Variants in GSTZ1 observed in about 807,000 individuals in gnomAD.
GSTZ1 encodes the protein glutathione S-transferase zeta 1, also known as maleylacetoacetate isomerase.
Under a neutral mutation model 35.9 loss-of-function variants are expected in GSTZ1, and 34 were observed. That is an observed-to-expected ratio of 0.95 (90% CI 0.72 to 1.26). GSTZ1 has a LOEUF of 1.26. Ranked by LOEUF, GSTZ1 falls within the 50% of genes most tolerant of loss-of-function variation. The probability of loss-of-function intolerance (pLI) is 0.00; values close to 1 mark genes in which losing one functional copy is unlikely to be tolerated. For missense variants in GSTZ1, 263 were observed against 271.7 expected (o/e 0.97, Z 0.23); for synonymous variants, 93 against 101.2 (o/e 0.92, Z 0.49).
In GSTZ1 at chr14:77,327,989, C is replaced by T. The variant is rs199875956; in HGVS notation, c.294C>T (p.Ser98=). Reference sequence around the variant, plus strand: ...CTCAGGACCCAAAGAAGAGGGCCAGCGTGCGTATGATTTCTGACCTCATCG... The same window carrying T: ...CTCAGGACCCAAAGAAGAGGGCCAGTGTGCGTATGATTTCTGACCTCATCG... ...LLPQDPKKRA[S]VRMISDLIAG... Residue 98 remains serine, a synonymous_variant, in exon 5 of 9, where the codon AGC becomes AGT. Coordinates refer to ENST00000216465, the MANE Select transcript of GSTZ1 (RefSeq NM_145870.3). 1.9e-5 allele frequency: 31 copies of T among 1,613,864 alleles called. No individual in the cohort carries two copies. The highest frequency in any genetic ancestry group is 1.2e-4 in the African/African-American group (9 of 74,918).
chr14:77,324,704 C>T, intron 1 of GSTZ1, 166 bp from the exon 2 acceptor site: 1 of 1,198,340 alleles, frequency 8.3e-7, no homozygotes, highest in East Asian at 2.5e-5. Context: ...ATTTTGGAGC[C>T]AAGGGACCTC....
chr14:77,326,737 C>G (rs902908085), intron 2 of GSTZ1, 101 bp from the exon 3 acceptor site: 3 of 787,974 alleles, frequency 3.8e-6, no homozygotes, highest in African/African-American at 1.7e-5. Context: ...GTTAGAGAAG[C>G]CTCCCCCTCT....
chr14:77,322,684 C>CCAT, intron 1 of GSTZ1: 1 of 985,430 alleles, frequency 1.0e-6, no homozygotes, highest in South Asian at 4.7e-5. Flanking sequence ...CACTTTCTGC[C>CCAT]CATCACCTGC....
intron 7 of GSTZ1, chr14:77,330,048 C>T: frequency 3.0e-6 from 2 of 656,456 alleles, no homozygotes; most frequent in South Asian, 3.4e-5. Context: ...GATGTCTGCG[C>T]AGTCAAGGCA....
chr14:77,321,551 G>T, intron 1 of GSTZ1: 6 of 1,262,202 alleles, frequency 4.8e-6, no homozygotes, highest in Non-Finnish European at 6.1e-6. Flanking sequence ...TCTTCTCTTG[G>T]CCCTAGCAGG....
chr14:77,324,073 G>C (rs4147578), intron 1 of GSTZ1: 1 of 160,438 alleles, frequency 6.2e-6, no homozygotes, highest in Admixed American at 5.8e-5. Context: ...ATCAAAACCA[G>C]GCCACGCTCT....
intron 1 of GSTZ1, chr14:77,324,598 C>T (rs1161029876): frequency 1.3e-6 from 2 of 1,534,188 alleles, no homozygotes; most frequent in African/African-American, 1.4e-5. Context: ...AGGGTCACCA[C>T]GATACCATGA....
intron 8 of GSTZ1, among the ~76,000 whole-genome samples, chr14:77,330,782 C>T (rs536549050): frequency 6.6e-6 from 1 of 152,284 alleles, no homozygotes; most frequent in South Asian, 2.1e-4. Context: ...CATTCCCTGC[C>T]CCCAAGAAGC....
At chr14:77,327,127 G>T in intron 3 of GSTZ1, 1 of 595,030 alleles carries the variant, frequency 1.7e-6, no homozygotes, top group Non-Finnish European at 3.0e-6. Context: ...CCTAGCCTGG[G>T]CTCTCCAGTG....
intron 1 of GSTZ1, 152 bp downstream of exon 1, chr14:77,321,335 T>C: frequency 1.3e-6 from 2 of 1,533,484 alleles, no homozygotes; most frequent in Non-Finnish European, 1.8e-6. Flanking sequence ...GCCTGCGTGC[T>C]GCGCGCTGCC....
intron 1 of GSTZ1, 156 bp from the exon 2 acceptor site, chr14:77,324,714 C>T: frequency 1.7e-6 from 2 of 1,164,392 alleles, no homozygotes; most frequent in Non-Finnish European, 1.2e-6. Context: ...CAAGGGACCT[C>T]ATGAGCCTCT....
At chr14:77,324,516 T>A in intron 1 of GSTZ1, 2 of 1,253,232 alleles carry the variant, frequency 1.6e-6, no homozygotes, top group Non-Finnish European at 2.3e-6. Context: ...CATTGGCTCC[T>A]GAAATCCACC....
chr14:77,327,253 C>T, intron 3 of GSTZ1: 1 of 603,510 alleles, frequency 1.7e-6, no homozygotes, highest in South Asian at 2.0e-5. Context: ...AGGGAAAGCC[C>T]ATAGCCAGGC....
chr14:77,322,823 G>A (rs1272762002), intron 1 of GSTZ1: 4 of 451,924 alleles, frequency 8.9e-6, no homozygotes, highest in Admixed American at 6.4e-5. Context: ...CTAGCAGACT[G>A]AGTTGGTAGT....
chr14:77,324,152 CTTTTTTTTTTT>C (rs11287763), intron 1 of GSTZ1: 1 of 117,824 alleles, frequency 8.5e-6, no homozygotes, highest in African/African-American at 3.5e-5. Flanking sequence ...AAAAAAATGC[CTTTTTTTTTTT>C]TTTTTTTTTG....
At position 77,321,070 on chromosome 14, in the gene GSTZ1, C is replaced by G. The variant is rs1273065305; in HGVS notation, c.-99C>G. The G allele has an allele frequency of 3.2e-6, 4 of 1,253,248 alleles. No individual in the cohort carries two copies. Among genetic ancestry groups the G allele is most frequent in the South Asian group, 3.2e-5 (2 of 62,732 alleles). The allele number at this position is 1,253,248 out of a possible 1,614,324, so 77.6% of individuals were successfully genotyped here. A position where few individuals can be genotyped will look rare whatever the true frequency, so the allele number is the denominator to read the frequency against. ...CCCCTCGCTTTACCCGGACGAAAGA[C>G]ACGGGCCTGATTCGTCGAGTCTCAC... On this transcript the variant is annotated 5_prime_UTR_variant, in exon 1 of 9. Transcript: ENST00000216465.
intron 5 of GSTZ1, chr14:77,328,369 A>G (rs1467382914): frequency 3.1e-6 from 1 of 325,032 alleles, no homozygotes; most frequent in African/African-American, 2.1e-5. Flanking sequence ...CTTCCGTTTC[A>G]TCTGTGCTAT....
intron 1 of GSTZ1, chr14:77,323,321 A>G (rs1291499908): frequency 1.3e-5 from 2 of 152,068 alleles, no homozygotes; most frequent in Non-Finnish European, 2.9e-5. Flanking sequence ...TATATAAAAT[A>G]TCATGATTTT....
intron 4 of GSTZ1, 81 bp from the exon 5 acceptor site, chr14:77,327,828 GAGA>G (rs1892408076): frequency 7.6e-7 from 1 of 1,322,296 alleles, no homozygotes; most frequent in South Asian, 1.2e-5. Context: ...GCTGGAAGAG[GAGA>G]AGGAGGAGTT....
Sources: allele counts gnomAD v4.1 joint callset (sites outside exome capture counted in the v4.1 genomes callset), GRCh38; gene constraint gnomAD v4.1.1; transcripts MANE v1.5; gene names NCBI Gene and HGNC (gene_info 2026-07-23, HGNC 2026-07-21).